Variants in ATP2B2 observed in about 807,000 individuals in gnomAD.
The protein encoded by ATP2B2 is ATPase plasma membrane Ca2+ transporting 2, also known as plasma membrane calcium-transporting ATPase 2.
Under a neutral mutation model 120.0 loss-of-function variants are expected in ATP2B2, and 15 were observed. That is an observed-to-expected ratio of 0.12 (90% CI 0.08 to 0.19). The LOEUF (loss-of-function observed/expected upper bound fraction) is 0.19, where lower values mean the gene tolerates loss of function less well. Ranked by LOEUF, ATP2B2 falls within the 10% of genes least tolerant of loss-of-function variation. The pLI is 1.00. For synonymous variants in ATP2B2, 694 were observed against 700.3 expected, an observed-to-expected ratio of 0.99 and a Z score of 0.14; for missense variants, 1,045 against 1,719.8, an observed-to-expected ratio of 0.61 and a Z score of 6.94.
chr3:10,394,032 A>C (rs906855108), intron 5 of ATP2B2, among the ~76,000 whole-genome samples: 4 of 152,178 alleles, frequency 2.6e-5, no homozygotes, highest in African/African-American at 9.7e-5. Context: ...AGCCCAGATA[A>C]GGCGAATGAC....
chr3:10,706,352 G>C (rs2071895960), intron 1 of ATP2B2, among the ~76,000 whole-genome samples: 1 of 152,228 alleles, frequency 6.6e-6, no homozygotes. Flanking sequence ...TGTATGCAGA[G>C]GGGGCCTCTT....
At chr3:10,350,323 A>C (rs544243846) in intron 15 of ATP2B2, 75 bp downstream of exon 15, 3 of 1,604,538 alleles carry the variant, frequency 1.9e-6, no homozygotes, top group African/African-American at 2.7e-5. Context: ...GCTTCTGTAC[A>C]ATCATGCAGC....
At chr3:10,501,457 A>G (rs1259381526) in intron 1 of ATP2B2, among the ~76,000 whole-genome samples, 1 of 147,848 alleles carries the variant, frequency 6.8e-6, no homozygotes, top group Non-Finnish European at 1.5e-5. Flanking sequence ...TGCAGCCTTG[A>G]CCTCCCGGAC....
chr3:10,485,764 C>A (rs185924205), intron 1 of ATP2B2, among the ~76,000 whole-genome samples: 2 of 152,212 alleles, frequency 1.3e-5, no homozygotes, highest in Admixed American at 1.3e-4. Context: ...GGCTCTGGCT[C>A]AGGCCTGCCT....
intron 1 of ATP2B2, among the ~76,000 whole-genome samples, chr3:10,483,387 C>G (rs943090049): frequency 6.6e-6 from 1 of 152,208 alleles, no homozygotes; most frequent in African/African-American, 2.4e-5. Flanking sequence ...CCCTACCTAT[C>G]TAACAACTAA....
Position 10,328,666 on chromosome 3 carries a change from TG to T in ATP2B2, c.*147del. On this transcript the variant is annotated 3_prime_UTR_variant, in exon 23 of 23. Transcript: ENST00000360273. Reference sequence around the variant, plus strand: ...CGCAGCCAGAGAAAGGGTCTGTGGGTGGAAACGTTGGTTTTCTCTCCAGTAT... The same window carrying T: ...CGCAGCCAGAGAAAGGGTCTGTGGGTGAAACGTTGGTTTTCTCTCCAGTAT... 1.3e-6 allele frequency: 1 copy of T among 777,856 alleles called. No individual in the cohort carries two copies. The highest frequency in any genetic ancestry group is 2.0e-6 in the Non-Finnish European group (1 of 497,174). The allele number at this position is 777,856 out of a possible 1,614,324, so 48.2% of individuals were successfully genotyped here.
At chr3:10,470,645 G>T (rs2064945508) in intron 1 of ATP2B2, among the ~76,000 whole-genome samples, 1 of 152,178 alleles carries the variant, frequency 6.6e-6, no homozygotes, top group Non-Finnish European at 1.5e-5. Flanking sequence ...CAAGGTCTGG[G>T]CCTGACCCAC....
In ATP2B2 at chr3:10,661,423, G is replaced by A. The variant is rs557551106; in HGVS notation, c.-459-41462C>T. Among the ~76,000 whole-genome samples the A allele has an allele frequency of 1.6e-4, 24 of 152,040 alleles. 1 individual carries two copies. The highest frequency in any genetic ancestry group is 2.6e-4 in the Admixed American group (4 of 15,270). On this transcript the variant is annotated intron_variant, in intron 1 of 21. Transcript: ENST00000646379. ...AAGTCTCAGGATACAAAATCAATGC[G>A]CAAAAATCACAAGCATTCTTATACA...
At chr3:10,689,628 C>T (rs2071608587) in intron 1 of ATP2B2, among the ~76,000 whole-genome samples, 2 of 152,134 alleles carry the variant, frequency 1.3e-5, no homozygotes, top group South Asian at 2.1e-4. Flanking sequence ...ATAAAAGGGC[C>T]TCCTTTCTCT....
chr3:10,498,848 C>T (rs2066265476), intron 1 of ATP2B2, among the ~76,000 whole-genome samples: 1 of 152,190 alleles, frequency 6.6e-6, no homozygotes, highest in South Asian at 2.1e-4. Flanking sequence ...AAATCAAATC[C>T]ACCCTCCTTG....
chr3:10,684,567 G>C lies in ATP2B2; in HGVS notation c.-460+23348C>G, dbSNP rs145610701. Among the ~76,000 whole-genome samples the C allele has an allele frequency of 2.4e-3, 360 of 152,352 alleles. 2 individuals are homozygous for C. The highest frequency in any genetic ancestry group is 8.3e-3 in the African/African-American group (346 of 41,584). ...TCATTCAACAATTATCTATTTAGTA[G>C]CCACTCCAGGCCTGCCACTGATATG... On this transcript the variant is annotated intron_variant, in intron 1 of 21. Coordinates refer to the ATP2B2 transcript ENST00000646379.
intron 22 of ATP2B2, among the ~76,000 whole-genome samples, chr3:10,334,039 T>G (rs1353169109): frequency 1.3e-5 from 2 of 152,150 alleles, no homozygotes; most frequent in African/African-American, 4.8e-5. Context: ...GCTTTGCAAA[T>G]GAGGCAGAAG....
chr3:10,693,880 A>G (rs1468180704), intron 1 of ATP2B2, among the ~76,000 whole-genome samples: 1 of 152,204 alleles, frequency 6.6e-6, no homozygotes, highest in Non-Finnish European at 1.5e-5. Context: ...ATGTTCAGTG[A>G]TCATCTCTGC....
chr3:10,588,274 A>G (rs372857224), intron 2 of ATP2B2, among the ~76,000 whole-genome samples: 2 of 152,192 alleles, frequency 1.3e-5, no homozygotes, highest in Non-Finnish European at 2.9e-5. Context: ...GTCTCTAGAC[A>G]TTGCCAAATG....
Position 10,389,318 on chromosome 3 carries a change from G to C in ATP2B2, c.782-916C>G, listed in dbSNP as rs2061776678. Among the ~76,000 whole-genome samples the C allele has an allele frequency of 4.6e-5, 7 of 152,242 alleles. No homozygotes were observed. The South Asian group carries it at 1.4e-3, about 31-fold the overall frequency. On this transcript the variant is annotated intron_variant, in intron 5 of 22. Coordinates refer to ENST00000360273, the MANE Select transcript of ATP2B2 (RefSeq NM_001001331.4). The stretch of plus-strand genomic sequence containing the variant: ...GCAGCCTCTCCACCATGCAGGCTCA[G>C]AGAGCAACTTGTCCAACAGCAAGCA...
At chr3:10,617,667 C>T (rs948389199) in intron 2 of ATP2B2, among the ~76,000 whole-genome samples, 5 of 152,220 alleles carry the variant, frequency 3.3e-5, no homozygotes, top group South Asian at 2.1e-4. Flanking sequence ...AGGGCTTAGC[C>T]GTTATTCCAG....
chr3:10,357,735 G>A (rs923071194), intron 14 of ATP2B2, among the ~76,000 whole-genome samples: 2 of 152,182 alleles, frequency 1.3e-5, no homozygotes, highest in African/African-American at 4.8e-5. Flanking sequence ...GGGAGGAAGT[G>A]GAAGCCAGCC....
chr3:10,474,713 C>T (rs2065140805), intron 1 of ATP2B2, among the ~76,000 whole-genome samples: 1 of 152,242 alleles, frequency 6.6e-6, no homozygotes, highest in African/African-American at 2.4e-5. Flanking sequence ...TGTAAGGTTC[C>T]ACACTTCCAG....
chr3:10,470,750 C>T (rs1015992929), intron 1 of ATP2B2, among the ~76,000 whole-genome samples: 8 of 152,144 alleles, frequency 5.3e-5, no homozygotes, highest in Non-Finnish European at 8.8e-5. Flanking sequence ...GTGAGATTTC[C>T]AGGGGACAGG....
Sources: allele counts gnomAD v4.1 joint callset (sites outside exome capture counted in the v4.1 genomes callset), GRCh38; gene constraint gnomAD v4.1.1; transcripts MANE v1.5; gene names NCBI Gene and HGNC (gene_info 2026-07-23, HGNC 2026-07-21).